The following ST18 variants were observed in gnomAD, a reference collection of about 807,000 sequenced individuals.
ST18 encodes the protein suppression of tumorigenicity 18 protein.
ST18 carries 50 observed loss-of-function variants against 110.0 expected under a neutral mutation model. The ratio of observed to expected loss-of-function variants is 0.45; its 90% confidence interval spans 0.36 to 0.58. The LOEUF (loss-of-function observed/expected upper bound fraction) is 0.58, where lower values mean the gene tolerates loss of function less well. ST18 is among the 20% of genes least tolerant of loss of function. The pLI is 0.00. For synonymous variants in ST18, 461 were observed against 452.4 expected (o/e 1.02, Z -0.24); for missense variants, 1,306 against 1,280.1 (o/e 1.02, Z -0.31).
chr8:52,203,390 C>G (rs1169833867), intron 8 of ST18, among the ~76,000 whole-genome samples: 2 of 152,022 alleles, frequency 1.3e-5, no homozygotes, highest in African/African-American at 4.8e-5. Flanking sequence ...AACCTTTGTA[C>G]CATAGAATTT....
chr8:52,121,728 T>C (rs1003833202), intron 23 of ST18, among the ~76,000 whole-genome samples: 1 of 152,246 alleles, frequency 6.6e-6, no homozygotes, highest in Non-Finnish European at 1.5e-5. Context: ...GTTTCATCTG[T>C]TTTGGAAGTA....
intron 2 of ST18, among the ~76,000 whole-genome samples, chr8:52,245,215 T>C (rs1410072551): frequency 6.6e-6 from 1 of 152,200 alleles, no homozygotes; most frequent in Non-Finnish European, 1.5e-5. Flanking sequence ...CTTTCTATAT[T>C]ATGGTATTCT....
chr8:52,282,209 GA>G (rs200116684), intron 2 of ST18, among the ~76,000 whole-genome samples: 1 of 151,578 alleles, frequency 6.6e-6, no homozygotes, highest in Non-Finnish European at 1.5e-5. Context: ...AAACCAGGAG[GA>G]AAAAAAGAAG....
At chr8:52,218,554 A>ATTTTT (rs745791743) in intron 5 of ST18, among the ~76,000 whole-genome samples, 3 of 100,890 alleles carry the variant, frequency 3.0e-5, no homozygotes, top group Non-Finnish European at 3.9e-5. Context: ...TGCCTGGCTA[A>ATTTTT]TTTTTTTTTT....
rs1157596805 is a variant in ST18, at chr8:52,208,425, T to C, written c.86+3654A>G. On this transcript the variant is annotated intron_variant, in intron 8 of 25. Transcript: ENST00000689386. ...GGAATTGCAAGAAATGGACAAAAAT[T>C]TAAAAGATGCTAAAAATATAAGCTT... Among the ~76,000 whole-genome samples the C allele has an allele frequency of 3.9e-5, 6 of 152,144 alleles. 1 individual carries two copies. The highest frequency in any genetic ancestry group is 8.8e-5 in the Non-Finnish European group (6 of 68,016).
intron 21 of ST18, 109 bp downstream of exon 21, chr8:52,132,948 G>T: frequency 8.0e-7 from 1 of 1,252,124 alleles, no homozygotes. Flanking sequence ...ATTTAATAGG[G>T]TACACCTTCC....
chr8:52,183,709 T>C (rs2070832762), intron 8 of ST18, among the ~76,000 whole-genome samples: 2 of 152,198 alleles, frequency 1.3e-5, no homozygotes. Context: ...GGCTCCCAGC[T>C]CAGGGCTCTC....
chr8:52,208,846 GATAA>G (rs1183457587), intron 8 of ST18, among the ~76,000 whole-genome samples: 7 of 144,640 alleles, frequency 4.8e-5, no homozygotes, highest in Non-Finnish European at 1.6e-5. Flanking sequence ...TAAATAAATA[GATAA>G]ATAAAACAAC....
At chr8:52,329,915 C>T (rs1282768319) in intron 2 of ST18, among the ~76,000 whole-genome samples, 5 of 152,146 alleles carry the variant, frequency 3.3e-5, no homozygotes, top group African/African-American at 7.2e-5. Context: ...CATCTGTTTT[C>T]GTAGCTAATA....
Position 52,172,396 on chromosome 8 carries a change from C to G in ST18, c.465G>C (p.Gln155His), listed in dbSNP as rs754421796. The G allele has an allele frequency of 6.2e-7, 1 of 1,613,986 alleles. No individual in the cohort carries two copies. The highest frequency in any genetic ancestry group is 8.5e-7 in the Non-Finnish European group (1 of 1,180,006). Residue 155 changes from glutamine to histidine, a missense_variant, in exon 10 of 26, where the codon CAG becomes CAC. By Grantham distance (24) the Gln-to-His change is conservative. Transcript: ENST00000689386. Reference protein sequence around the residue: ...VSENLNDSGIQSLKAESDEAD... With the variant: ...VSENLNDSGIHSLKAESDEAD... ...CTTCATCGCTCTCTGCTTTTAAAGACTGGATGCCACTGTCATTTAAATTTT... is the reference window on the plus strand; with the variant it reads ...CTTCATCGCTCTCTGCTTTTAAAGAGTGGATGCCACTGTCATTTAAATTTT...
intron 8 of ST18, among the ~76,000 whole-genome samples, chr8:52,188,821 A>C (rs1413340052): frequency 2.0e-5 from 3 of 152,212 alleles, no homozygotes; most frequent in Non-Finnish European, 2.9e-5. Flanking sequence ...TGGATGTAAA[A>C]GAGAGTAAAG....
In ST18 at chr8:52,165,237, A is replaced by C; in HGVS notation, c.1205-12T>G. On this transcript the variant is annotated splice_polypyrimidine_tract_variant and intron_variant, in intron 11 of 25. Transcript: ENST00000689386. ...ATGCATGGCAAGAACTAAGCACAAA[A>C]CAACACATAAAGGAAAGAATACTTT... 2 of 1,613,744 alleles carry C rather than the reference A, an allele frequency of 1.2e-6. No homozygotes were observed. The highest frequency in any genetic ancestry group is 1.7e-6 in the Non-Finnish European group (2 of 1,179,694).
chr8:52,192,915 C>T (rs1168528258), intron 8 of ST18, among the ~76,000 whole-genome samples: 1 of 152,118 alleles, frequency 6.6e-6, no homozygotes, highest in Non-Finnish European at 1.5e-5. Context: ...AAATAGATAC[C>T]GTCCTGGCAG....
intron 8 of ST18, among the ~76,000 whole-genome samples, chr8:52,207,398 C>T (rs534473699): frequency 1.6e-4 from 24 of 152,218 alleles, no homozygotes; most frequent in South Asian, 1.5e-3. Context: ...AGGCTGAGGT[C>T]GGAGGATTGC....
intron 2 of ST18, among the ~76,000 whole-genome samples, chr8:52,268,045 C>T (rs539578297): frequency 1.3e-5 from 2 of 152,306 alleles, no homozygotes; most frequent in South Asian, 4.2e-4. Flanking sequence ...CCCTCATCAG[C>T]AAGTTCCCTT....
At position 52,131,962 on chromosome 8, in the gene ST18, G is replaced by A. The variant is rs1164949691; in HGVS notation, c.2662C>T (p.Arg888Ter). 2 of 1,613,962 alleles carry A rather than the reference G, an allele frequency of 1.2e-6. No individual in the cohort carries two copies. The highest frequency in any genetic ancestry group is 8.5e-7 in the Non-Finnish European group (1 of 1,179,946). ...GHVNNVFVTH[R>*]SLSGCPLNAQ... ...AAGACAGAAAACTCATGTTACCTTC[G>A]GTGGGTGACAAAAACATTATTTACA... is the stretch of plus-strand genomic sequence containing the variant. Residue 888 changes from arginine to a stop codon, truncating the protein, a stop_gained, in exon 22 of 26, where the codon CGA becomes TGA. Coordinates refer to ENST00000689386, the MANE Select transcript of ST18 (RefSeq NM_001352837.2). LOFTEE classifies it high-confidence loss of function.
intron 23 of ST18, chr8:52,125,798 G>A: frequency 2.3e-6 from 1 of 426,486 alleles, no homozygotes; most frequent in East Asian, 3.9e-5. Flanking sequence ...CCAACCACAA[G>A]TGTATCTTAA....
intron 10 of ST18, among the ~76,000 whole-genome samples, chr8:52,167,248 A>G (rs577288164): frequency 1.3e-5 from 2 of 152,358 alleles, no homozygotes; most frequent in East Asian, 3.9e-4. Flanking sequence ...TCGTCAAGTC[A>G]CATATTGTAG....
intron 2 of ST18, among the ~76,000 whole-genome samples, chr8:52,265,352 CT>C (rs111360987): frequency 0.056 from 8,591 of 152,272 alleles, 816 homozygotes; most frequent in African/African-American, 0.2. Context: ...TTTGGATTTA[CT>C]GTAAGTGTGA....
Sources: gnomAD v4.1 joint callset for allele counts (sites outside exome capture counted in the v4.1 genomes callset) on GRCh38, gnomAD v4.1.1 for gene constraint, MANE v1.5 for transcripts, NCBI Gene and HGNC (gene_info 2026-07-23, HGNC 2026-07-21) for gene names.